The following FABP12 variants were observed in gnomAD, a reference collection of about 807,000 sequenced individuals.
The protein encoded by FABP12 is fatty acid binding protein 12, also known as fatty acid-binding protein 12.
Under a neutral mutation model 13.7 loss-of-function variants are expected in FABP12, and 19 were observed. The ratio of observed to expected loss-of-function variants is 1.39; its 90% CI spans 0.97 to 2.04. The LOEUF is 2.04. Ranked by LOEUF, FABP12 falls within the 30% of genes most tolerant of loss-of-function variation. The pLI is 0.00. For synonymous variants in FABP12, 61 were observed against 57.0 expected (o/e 1.07, Z -0.32); for missense variants, 182 against 164.2 (o/e 1.11, Z -0.59).
At chr8:81,571,062 C>CG (rs1809922812) in intron 1 of FABP12, among the ~76,000 whole-genome samples, 1 of 151,770 alleles carries the variant, frequency 6.6e-6, no homozygotes, top group Non-Finnish European at 1.5e-5. Flanking sequence ...CCACTCAGTC[C>CG]CCCCACCCCA....
At chr8:81,580,675 T>C (rs1810143014) in intron 1 of FABP12, among the ~76,000 whole-genome samples, 1 of 152,130 alleles carries the variant, frequency 6.6e-6, no homozygotes, top group Non-Finnish European at 1.5e-5. Flanking sequence ...CACAATCTAG[T>C]CTCTTGGAGT....
At chr8:81,581,790 A>G (rs531240737) in intron 1 of FABP12, among the ~76,000 whole-genome samples, 2 of 152,330 alleles carry the variant, frequency 1.3e-5, no homozygotes, top group African/African-American at 4.8e-5. Flanking sequence ...GAGAGAATTA[A>G]TCACAATTAG....
chr8:81,566,361 CA>C (rs1809819466), intron 1 of FABP12, among the ~76,000 whole-genome samples: 1 of 151,740 alleles, frequency 6.6e-6, no homozygotes, highest in Non-Finnish European at 1.5e-5. Context: ...AAAGACATAT[CA>C]AAAAAAGAAA....
intron 1 of FABP12, among the ~76,000 whole-genome samples, chr8:81,565,877 G>A (rs1809810912): frequency 1.3e-5 from 2 of 151,700 alleles, no homozygotes; most frequent in Admixed American, 1.3e-4. Context: ...ATCAATAAAA[G>A]GAAAAGTTGC....
chr8:81,537,976 A>T (rs1043377426), upstream of FABP12, among the ~76,000 whole-genome samples: 1 of 152,176 alleles, frequency 6.6e-6, no homozygotes, highest in African/African-American at 2.4e-5. Flanking sequence ...TAATTGGTTC[A>T]TGGTTCTGCA....
rs180761794 is a variant in FABP12, at chr8:81,589,582, A to G, written c.-185+471T>C. On this transcript the variant is annotated intron_variant, in intron 1 of 5. Coordinates refer to the FABP12 transcript ENST00000692030. Reference sequence around the variant, plus strand: ...CACTTTCCCCCTGTTTAGGGAGAATAAGAAAGATTGACAAGCCCCTGCTTA... The same window carrying G: ...CACTTTCCCCCTGTTTAGGGAGAATGAGAAAGATTGACAAGCCCCTGCTTA... Among the ~76,000 whole-genome samples, 333 of 152,316 alleles carry G rather than the reference A, an allele frequency of 2.2e-3. 1 individual carries two copies. Among genetic ancestry groups the G allele is most frequent in the African/African-American group, 7.7e-3 (322 of 41,570 alleles).
chr8:81,534,608 G>C (rs996797197), upstream of FABP12, among the ~76,000 whole-genome samples: 10 of 152,124 alleles, frequency 6.6e-5, no homozygotes, highest in Non-Finnish European at 4.4e-5. Flanking sequence ...AGACAGCCTA[G>C]ATCTCATCTG....
upstream of FABP12, among the ~76,000 whole-genome samples, chr8:81,535,249 C>T (rs753049706): frequency 1.3e-5 from 2 of 152,156 alleles, no homozygotes; most frequent in Non-Finnish European, 2.9e-5. Flanking sequence ...TCTTAAAGTC[C>T]TTTTGAGTAG....
intron 1 of FABP12, among the ~76,000 whole-genome samples, chr8:81,571,118 G>A (rs1020588278): frequency 6.6e-6 from 1 of 152,200 alleles, no homozygotes; most frequent in Non-Finnish European, 1.5e-5. Flanking sequence ...CAAAGTGGCA[G>A]AGCCCCAGCA....
At chr8:81,572,804 T>C (rs7465362) in intron 1 of FABP12, among the ~76,000 whole-genome samples, 2 of 152,202 alleles carry the variant, frequency 1.3e-5, no homozygotes, top group Non-Finnish European at 2.9e-5. Flanking sequence ...TGATTGTTTG[T>C]TTTTTTCTCA....
At chr8:81,531,102 C>T (rs1809062077) in intron 2 of FABP12, 141 bp downstream of exon 2, 4 of 656,374 alleles carry the variant, frequency 6.1e-6, no homozygotes, top group Non-Finnish European at 1.1e-5. Flanking sequence ...AGAACTATAT[C>T]CTGGTACTCA....
chr8:81,550,606 T>G (rs192998637), intron 1 of FABP12, among the ~76,000 whole-genome samples: 60 of 152,284 alleles, frequency 3.9e-4, no homozygotes, highest in Non-Finnish European at 2.8e-4. Flanking sequence ...GTCTTTCCAC[T>G]CCTAGAGCTT....
intron 1 of FABP12, among the ~76,000 whole-genome samples, chr8:81,582,315 G>T (rs183204364): frequency 2.5e-4 from 38 of 151,720 alleles, no homozygotes; most frequent in African/African-American, 7.7e-4. Context: ...TAGAGACAAG[G>T]TTTCACTATG....
chr8:81,536,884 G>C (rs193143838), upstream of FABP12, among the ~76,000 whole-genome samples: 6 of 152,318 alleles, frequency 3.9e-5, no homozygotes, highest in East Asian at 1.2e-3. Flanking sequence ...TAGTGAGGTT[G>C]AGTAGTTATA....
intron 1 of FABP12, among the ~76,000 whole-genome samples, chr8:81,566,502 A>T (rs571281724): frequency 6.6e-6 from 1 of 152,200 alleles, no homozygotes; most frequent in East Asian, 1.9e-4. Context: ...GGGATCCAAA[A>T]ATGGCTCAAC....
chr8:81,579,145 T>C (rs1810112372), intron 1 of FABP12, among the ~76,000 whole-genome samples: 1 of 152,130 alleles, frequency 6.6e-6, no homozygotes, highest in Non-Finnish European at 1.5e-5. Context: ...TCTATTTTGA[T>C]GTTCATTCAC....
At chr8:81,570,260 A>T (rs1294279140) in intron 1 of FABP12, among the ~76,000 whole-genome samples, 1 of 152,092 alleles carries the variant, frequency 6.6e-6, no homozygotes, top group Admixed American at 6.6e-5. Flanking sequence ...AGGGCTACAG[A>T]TCTTCTCTCC....
At chr8:81,584,109 C>T (rs1810207513) in intron 1 of FABP12, among the ~76,000 whole-genome samples, 1 of 152,090 alleles carries the variant, frequency 6.6e-6, no homozygotes, top group South Asian at 2.1e-4. Flanking sequence ...TCTCAATGGA[C>T]AAAGAAAAAG....
intron 3 of FABP12, 56 bp downstream of exon 3, chr8:81,529,382 T>G: frequency 8.4e-6 from 13 of 1,545,028 alleles, no homozygotes; most frequent in South Asian, 1.1e-5. Flanking sequence ...TTACCGAGGA[T>G]GATATCTGAC....
Sources: allele counts gnomAD v4.1 joint callset (sites outside exome capture counted in the v4.1 genomes callset), GRCh38; gene constraint gnomAD v4.1.1; transcripts MANE v1.5; gene names NCBI Gene and HGNC (gene_info 2026-07-23, HGNC 2026-07-21).